The following TRPC6 variants were observed in gnomAD, a reference collection of about 807,000 sequenced individuals.
TRPC6 encodes short transient receptor potential channel 6.
In TRPC6, 55 loss-of-function variants were observed where a neutral mutation model predicts 90.7. The ratio of observed to expected loss-of-function variants is 0.61; its 90% CI spans 0.49 to 0.76. TRPC6 has a LOEUF of 0.76. Among genes scored for constraint, TRPC6 ranks in the 30% least tolerant of loss-of-function variants. The pLI is 0.00. For synonymous variants in TRPC6, 393 were observed against 393.0 expected (o/e 1.00, Z 0.00); for missense variants, 989 against 1,122.7 (o/e 0.88, Z 1.70).
intron 1 of TRPC6, among the ~76,000 whole-genome samples, chr11:101,565,153 T>A (rs1261483236): frequency 2.6e-5 from 4 of 152,106 alleles, no homozygotes; most frequent in African/African-American, 9.6e-5. Flanking sequence ...TTGACAATAA[T>A]TCTTTGGATA....
chr11:101,473,212 C>A (rs1859334101), intron 7 of TRPC6, among the ~76,000 whole-genome samples: 1 of 152,192 alleles, frequency 6.6e-6, no homozygotes, highest in African/African-American at 2.4e-5. Context: ...ATGGAATATT[C>A]AGCAAATTAC....
rs759107251 is a variant in TRPC6 at position 101,583,380 on chromosome 11, C to A, written c.124G>T (p.Gly42Cys). The A allele has an allele frequency of 6.3e-7, 1 of 1,593,464 alleles. No homozygotes were observed. Among genetic ancestry groups the A allele is most frequent in the Non-Finnish European group, 8.5e-7 (1 of 1,170,332 alleles). ...LLMDSELGEDGCPQAPLPCYG... is the reference protein window; with the variant it reads ...LLMDSELGEDCCPQAPLPCYG... The stretch of plus-strand genomic sequence containing the variant: ...CAAGGCAGCGGGGCTTGCGGGCAGC[C>A]GTCTTCTCCCAGCTCCGAGTCCATG... Residue 42 changes from glycine to cysteine, a missense_variant, in exon 1 of 13, where the codon GGC becomes TGC. Transcript: ENST00000344327.
chr11:101,547,115 G>A (rs1041459332), intron 1 of TRPC6, among the ~76,000 whole-genome samples: 2 of 152,112 alleles, frequency 1.3e-5, no homozygotes, highest in Admixed American at 1.3e-4. Flanking sequence ...GTGGCATTTT[G>A]TTCCTTGATC....
At chr11:101,560,232 T>C (rs544592550) in intron 1 of TRPC6, among the ~76,000 whole-genome samples, 5 of 152,108 alleles carry the variant, frequency 3.3e-5, no homozygotes, top group Non-Finnish European at 5.9e-5. Flanking sequence ...ATACTTCTTT[T>C]GGACCATTTA....
At chr11:101,508,444 T>C (rs532228751) in intron 1 of TRPC6, among the ~76,000 whole-genome samples, 218 of 152,226 alleles carry the variant, frequency 1.4e-3, no homozygotes, top group African/African-American at 5.1e-3. Context: ...ACAAGATGGA[T>C]GAGGTAGAAG....
chr11:101,509,797 TTA>T (rs1860358283), intron 1 of TRPC6, among the ~76,000 whole-genome samples: 2 of 152,188 alleles, frequency 1.3e-5, no homozygotes, highest in African/African-American at 4.8e-5. Context: ...GATATAATTT[TTA>T]GATACATTTT....
At chr11:101,555,629 A>T (rs551152948) in intron 1 of TRPC6, among the ~76,000 whole-genome samples, 10 of 152,334 alleles carry the variant, frequency 6.6e-5, no homozygotes, top group Non-Finnish European at 1.3e-4. Context: ...TTATTTTTAG[A>T]TGAACATGGG....
intron 1 of TRPC6, among the ~76,000 whole-genome samples, chr11:101,534,961 C>T (rs145695324): frequency 1.3e-5 from 2 of 152,030 alleles, no homozygotes; most frequent in African/African-American, 2.4e-5. Context: ...CAAGGGTTCG[C>T]GAACAGCCTG....
chr11:101,525,294 T>A (rs192759321), intron 1 of TRPC6, among the ~76,000 whole-genome samples: 21 of 152,344 alleles, frequency 1.4e-4, no homozygotes, highest in Non-Finnish European at 2.8e-4. Context: ...AGTGACTAAC[T>A]TAATATCTCT....
intron 4 of TRPC6, 73 bp from the exon 5 acceptor site, chr11:101,483,238 C>A (rs1859595594): frequency 2.8e-6 from 4 of 1,407,670 alleles, no homozygotes; most frequent in Admixed American, 1.8e-5. Flanking sequence ...TACATACATG[C>A]AAGAATAAAC....
In TRPC6 at chr11:101,453,633, T is replaced by C; in HGVS notation, c.2644+17A>G. The C allele has an allele frequency of 6.2e-7, 1 of 1,613,534 alleles. No individual in the cohort carries two copies. The highest frequency in any genetic ancestry group is 8.5e-7 in the Non-Finnish European group (1 of 1,179,532). ...GACTCACATTCAGGGGCTGATTTGC[T>C]TCTGCGTTCAACTCACCTTCGTTCA... is the stretch of plus-strand genomic sequence containing the variant. On this transcript the variant is annotated intron_variant, in intron 12 of 12. Coordinates refer to ENST00000344327, the MANE Select transcript of TRPC6 (RefSeq NM_004621.6).
chr11:101,570,623 A>G (rs12366048), intron 1 of TRPC6, among the ~76,000 whole-genome samples: 57,409 of 152,092 alleles, frequency 0.38, 11,516 homozygotes, highest in Non-Finnish European at 0.46. Flanking sequence ...AAAATCCTCA[A>G]TAAAATATTG....
intron 1 of TRPC6, among the ~76,000 whole-genome samples, chr11:101,548,258 T>TAC (rs1861357692): frequency 8.5e-6 from 1 of 117,610 alleles, no homozygotes; most frequent in African/African-American, 3.4e-5. Flanking sequence ...ATCATATATA[T>TAC]ATACATATAT....
intron 2 of TRPC6, among the ~76,000 whole-genome samples, chr11:101,501,993 G>A (rs917616003): frequency 6.6e-6 from 1 of 152,086 alleles, no homozygotes; most frequent in Non-Finnish European, 1.5e-5. Context: ...TAGAGGCAGG[G>A]CATTAGCAAA....
rs1329109626 is a variant in TRPC6, at chr11:101,558,258, CATGTATAT to C, written c.170+25068_170+25075del. On this transcript the variant is annotated intron_variant, in intron 1 of 12. Coordinates refer to ENST00000344327, the MANE Select transcript of TRPC6 (RefSeq NM_004621.6). ...ATGGGTATACATGTATATATGTATA[CATGTATAT>C]GGGTATACATGTATATATGTATACA... Among the ~76,000 whole-genome samples, 9 of 133,040 alleles carry C rather than the reference CATGTATAT, an allele frequency of 6.8e-5. 1 individual carries two copies. The highest frequency in any genetic ancestry group is 1.3e-4 in the Non-Finnish European group (8 of 63,482). 87.3% of individuals were successfully genotyped at this position (133,040 alleles called of 152,430 possible). A position where few individuals can be genotyped will look rare whatever the true frequency, so the allele number is the denominator to read the frequency against.
At position 101,493,836 on chromosome 11, in the gene TRPC6, T is replaced by C. The variant is rs182965836; in HGVS notation, c.946-2098A>G. Among the ~76,000 whole-genome samples, 17 of 152,332 alleles carry C rather than the reference T, an allele frequency of 1.1e-4. No homozygotes were observed. In the East Asian group the frequency reaches 3.3e-3, roughly 29 times the overall value. On this transcript the variant is annotated intron_variant, in intron 2 of 12. Coordinates refer to ENST00000344327, the MANE Select transcript of TRPC6 (RefSeq NM_004621.6). ...AATAAGGCCATATGTGGGGGGTGTCTGTATGGAGAACAGCTTAATACTAGG... is the reference window on the plus strand; with the variant it reads ...AATAAGGCCATATGTGGGGGGTGTCCGTATGGAGAACAGCTTAATACTAGG...
chr11:101,482,881 G>T, intron 5 of TRPC6, 68 bp downstream of exon 5: 1 of 1,444,872 alleles, frequency 6.9e-7, no homozygotes, highest in East Asian at 2.3e-5. Context: ...ATGTGTGAAA[G>T]AATCAGTGTC....
intron 1 of TRPC6, among the ~76,000 whole-genome samples, chr11:101,524,902 A>C (rs1860742998): frequency 6.6e-6 from 1 of 152,234 alleles, no homozygotes; most frequent in African/African-American, 2.4e-5. Flanking sequence ...TTGATACAAA[A>C]TGTAATGCTG....
At position 101,491,731 on chromosome 11, in the gene TRPC6, T is replaced by C. The variant is rs1859817793; in HGVS notation, c.953A>G (p.Tyr318Cys). Residue 318 changes from tyrosine (Y) to cysteine (C), a missense_variant, in exon 3 of 13, where the codon TAC becomes TGC. This residue lies in a region of TRPC6 where 486 missense variants were observed against 591.9 expected (regional missense o/e 0.82). Coordinates refer to ENST00000344327, the MANE Select transcript of TRPC6 (RefSeq NM_004621.6). ...ANIEKEFKNDYKKLSMQCKDF... is the reference protein window; with the variant it reads ...ANIEKEFKNDCKKLSMQCKDF... ...TTTGCACTGCATTGACAGTTTTTTG[T>C]AGTCATTCTAGGAAAAACAAAGCAA... The C allele has an allele frequency of 6.2e-7, 1 of 1,613,598 alleles. No individual in the cohort carries two copies. The highest frequency in any genetic ancestry group is 8.5e-7 in the Non-Finnish European group (1 of 1,179,926).
Sources: gnomAD v4.1 joint callset for allele counts (sites outside exome capture counted in the v4.1 genomes callset) on GRCh38, gnomAD v4.1.1 for gene constraint, gnomAD v4.1.1 regional missense constraint, MANE v1.5 for transcripts, NCBI Gene and HGNC (gene_info 2026-07-23, HGNC 2026-07-21) for gene names.